Variants in MSRA observed in about 807,000 individuals in gnomAD.
MSRA encodes the protein methionine sulfoxide reductase A.
Under a neutral mutation model 31.3 loss-of-function variants are expected in MSRA, and 54 were observed. The ratio of observed to expected loss-of-function variants is 1.73; its 90% confidence interval spans 1.39 to 2.17. MSRA has a LOEUF of 2.17. MSRA is among the 30% of genes most tolerant of loss of function. The pLI is 0.00. For missense variants in MSRA, 507 were observed against 300.9 expected (o/e 1.69, Z -5.07); for synonymous variants, 169 against 116.5 (o/e 1.45, Z -2.90).
intron 1 of MSRA, 53 bp from the exon 2 acceptor site, chr8:10,207,780 G>C: frequency 6.7e-7 from 1 of 1,497,358 alleles, no homozygotes; most frequent in African/African-American, 1.4e-5. Context: ...ACATGTGTTA[G>C]TATGTGTTAG....
At chr8:10,200,225 C>G (rs1004450126) in intron 1 of MSRA, among the ~76,000 whole-genome samples, 1 of 152,094 alleles carries the variant, frequency 6.6e-6, no homozygotes, top group Non-Finnish European at 1.5e-5. Flanking sequence ...GCGGGGAGGC[C>G]GTGGTCAGAG....
intron 5 of MSRA, among the ~76,000 whole-genome samples, chr8:10,336,410 CAT>C (rs1181958549): frequency 6.7e-6 from 1 of 150,146 alleles, no homozygotes; most frequent in Non-Finnish European, 1.5e-5. Flanking sequence ...CACCCAAGCA[CAT>C]GTGATAGAAA....
At chr8:10,195,366 G>C (rs891456484) in intron 1 of MSRA, among the ~76,000 whole-genome samples, 2 of 152,146 alleles carry the variant, frequency 1.3e-5, no homozygotes, top group African/African-American at 4.8e-5. Context: ...TCAGCCTTCT[G>C]AGTAGCTGGG....
At chr8:10,078,495 G>A (rs1399906612) in intron 1 of MSRA, among the ~76,000 whole-genome samples, 1 of 152,248 alleles carries the variant, frequency 6.6e-6, no homozygotes, top group Non-Finnish European at 1.5e-5. Flanking sequence ...AGGCACCAGT[G>A]ACCCCTGGGG....
At chr8:10,404,816 C>A (rs1220463102) in intron 5 of MSRA, among the ~76,000 whole-genome samples, 1 of 152,128 alleles carries the variant, frequency 6.6e-6, no homozygotes, top group Non-Finnish European at 1.5e-5. Context: ...CCATTTTTGG[C>A]CGCCAGACCA....
At chr8:10,311,694 C>G (rs1179916422) in intron 4 of MSRA, among the ~76,000 whole-genome samples, 6 of 152,108 alleles carry the variant, frequency 3.9e-5, no homozygotes, top group Non-Finnish European at 7.3e-5. Context: ...GGGAGGATCA[C>G]TTGAATCCAG....
chr8:10,251,924 C>G (rs1053384240), intron 3 of MSRA, among the ~76,000 whole-genome samples: 2 of 152,002 alleles, frequency 1.3e-5, no homozygotes, highest in African/African-American at 2.4e-5. Flanking sequence ...GGGCCTTAAC[C>G]ATCTTCCAAT....
chr8:10,425,312 C>T (rs1035641020), intron 5 of MSRA, among the ~76,000 whole-genome samples: 2 of 152,186 alleles, frequency 1.3e-5, no homozygotes, highest in South Asian at 2.1e-4. Flanking sequence ...TTTCCCTGCT[C>T]GCCTTGGAGG....
intron 1 of MSRA, among the ~76,000 whole-genome samples, chr8:10,111,383 C>A (rs1039395044): frequency 6.6e-6 from 1 of 152,156 alleles, no homozygotes; most frequent in Admixed American, 6.5e-5. Context: ...TCTCTTGGGG[C>A]CACTTATTCT....
rs150669382 is a variant in MSRA, at chr8:10,410,470, A to C, written c.544-17678A>C. 6.5e-3 allele frequency among the ~76,000 whole-genome samples: 993 copies of C among 152,322 alleles called. 36 individuals carry two copies. Among genetic ancestry groups the C allele is most frequent in the Admixed American group, 9.3e-3 (143 of 15,306 alleles). On this transcript the variant is annotated intron_variant, in intron 5 of 5. Transcript: ENST00000317173. Reference sequence around the variant, plus strand: ...GTCACATCGCAAAAATAACCAACACAGTTTAGAGCAGTGCTCCTGAAATAG... The same window carrying C: ...GTCACATCGCAAAAATAACCAACACCGTTTAGAGCAGTGCTCCTGAAATAG...
At chr8:10,273,850 T>A (rs1033299119) in intron 3 of MSRA, among the ~76,000 whole-genome samples, 1 of 152,166 alleles carries the variant, frequency 6.6e-6, no homozygotes, top group Non-Finnish European at 1.5e-5. Context: ...GCTTACATTA[T>A]GATCCTCGAG....
At chr8:10,214,017 T>C (rs11776035) in intron 2 of MSRA, among the ~76,000 whole-genome samples, 40,847 of 152,124 alleles carry the variant, frequency 0.27, 7,310 homozygotes, top group Non-Finnish European at 0.41. Context: ...CGTGAGTTTT[T>C]AGGCTCCTAG....
chr8:10,297,328 T>C (rs1285564298), intron 3 of MSRA, among the ~76,000 whole-genome samples: 1 of 152,190 alleles, frequency 6.6e-6, no homozygotes, highest in Non-Finnish European at 1.5e-5. Context: ...CCTTTTCATT[T>C]TTTCTTTCAA....
intron 1 of MSRA, among the ~76,000 whole-genome samples, chr8:10,093,072 T>G (rs183277029): frequency 1.8e-3 from 279 of 152,316 alleles, no homozygotes; most frequent in African/African-American, 6.6e-3. Flanking sequence ...TTTTTATGTC[T>G]TTGAGTATAA....
chr8:10,333,223 G>T (rs1802810277), intron 5 of MSRA, among the ~76,000 whole-genome samples: 1 of 152,208 alleles, frequency 6.6e-6, no homozygotes, highest in South Asian at 2.1e-4. Context: ...GGCAACAGGG[G>T]AATGTTTAGT....
intron 5 of MSRA, among the ~76,000 whole-genome samples, chr8:10,390,933 G>A (rs886281989): frequency 3.4e-5 from 5 of 149,054 alleles, no homozygotes; most frequent in African/African-American, 1.2e-4. Flanking sequence ...CCGAGATCGC[G>A]CCACTGCACT....
intron 1 of MSRA, among the ~76,000 whole-genome samples, chr8:10,113,287 GTCT>G (rs1352948468): frequency 0.055 from 346 of 6,300 alleles, 66 homozygotes; most frequent in Middle Eastern, 0.17. Flanking sequence ...GTGAAGACAG[GTCT>G]TCTTTTTTTT....
rs545801840 is a variant in MSRA, at chr8:10,385,417, A to G, written c.544-42731A>G. 1.2e-3 allele frequency among the ~76,000 whole-genome samples: 186 copies of G among 152,350 alleles called. 1 individual carries two copies. The highest frequency in any genetic ancestry group is 6.4e-3 in the South Asian group (31 of 4,830). The stretch of plus-strand genomic sequence containing the variant: ...AAGGAATCTGAGTAGAGTTTAGTCA[A>G]AGTGAGACTCTGTCAGAATGACGGG... On this transcript the variant is annotated intron_variant, in intron 5 of 5. Transcript: ENST00000317173.
At chr8:10,219,899 C>G (rs868701294) in intron 2 of MSRA, among the ~76,000 whole-genome samples, 13 of 149,892 alleles carry the variant, frequency 8.7e-5, no homozygotes, top group Non-Finnish European at 3.0e-5. Flanking sequence ...TTGTTTTCCC[C>G]TGGTAGGCAA....
Sources: allele counts gnomAD v4.1 joint callset (sites outside exome capture counted in the v4.1 genomes callset), GRCh38; gene constraint gnomAD v4.1.1; transcripts MANE v1.5; gene names NCBI Gene and HGNC (gene_info 2026-07-23, HGNC 2026-07-21).